The following YTHDC2 variants were observed in gnomAD, a reference collection of about 807,000 sequenced individuals.
YTHDC2 encodes the protein 3'-5' RNA helicase YTHDC2.
Under a neutral mutation model 174.9 loss-of-function variants are expected in YTHDC2, and 45 were observed. The observed-to-expected ratio is 0.26, with a 90% confidence interval of 0.20 to 0.33. YTHDC2 has a LOEUF of 0.33. Ranked by LOEUF, YTHDC2 falls within the 10% of genes least tolerant of loss-of-function variation. YTHDC2 has a pLI of 1.00. For missense variants in YTHDC2, 1,650 were observed against 1,723.7 expected, an observed-to-expected ratio of 0.96 and a Z score of 0.76; for synonymous variants, 657 against 574.5, an observed-to-expected ratio of 1.14 and a Z score of -2.05.
At chr5:113,535,497 G>A (rs1774992640) in intron 6 of YTHDC2, 145 bp from the exon 7 acceptor site, 2 of 702,936 alleles carry the variant, frequency 2.8e-6, no homozygotes, top group South Asian at 6.8e-5. Context: ...TGAAATTCCT[G>A]TAATACAAAA....
At chr5:113,561,633 T>C (rs183664208) in intron 18 of YTHDC2, among the ~76,000 whole-genome samples, 5 of 151,876 alleles carry the variant, frequency 3.3e-5, no homozygotes, top group Non-Finnish European at 7.4e-5. Context: ...CGTGCCCAGC[T>C]AATTTTTATA....
At chr5:113,565,735 A>G in intron 20 of YTHDC2, 158 bp from the exon 21 acceptor site, 1 of 681,562 alleles carries the variant, frequency 1.5e-6, no homozygotes, top group South Asian at 4.6e-5. Context: ...TAAATTAATG[A>G]TAAATATTAT....
intron 2 of YTHDC2, among the ~76,000 whole-genome samples, chr5:113,518,983 G>T (rs1773675519): frequency 1.3e-5 from 2 of 151,918 alleles, no homozygotes; most frequent in Non-Finnish European, 2.9e-5. Flanking sequence ...CTAGGCTCAG[G>T]CTTTCCTCGC....
chr5:113,565,823 A>G (rs1777295180), intron 20 of YTHDC2, 70 bp from the exon 21 acceptor site: 1 of 1,498,556 alleles, frequency 6.7e-7, no homozygotes, highest in African/African-American at 1.4e-5. Flanking sequence ...AGTGATTTGT[A>G]GTTACTTGTT....
At chr5:113,576,215 A>G (rs957716607) in intron 23 of YTHDC2, among the ~76,000 whole-genome samples, 1 of 152,162 alleles carries the variant, frequency 6.6e-6, no homozygotes, top group Non-Finnish European at 1.5e-5. Context: ...TATAGACATG[A>G]GAATGGATTT....
intron 9 of YTHDC2, among the ~76,000 whole-genome samples, chr5:113,541,621 G>C (rs576306917): frequency 1.3e-5 from 2 of 152,154 alleles, no homozygotes; most frequent in South Asian, 4.1e-4. Flanking sequence ...GCATGTGATA[G>C]TATGTAATGC....
chr5:113,532,221 T>G (rs1774722158), intron 4 of YTHDC2, among the ~76,000 whole-genome samples: 1 of 152,224 alleles, frequency 6.6e-6, no homozygotes, highest in Non-Finnish European at 1.5e-5. Flanking sequence ...GTCATCACTT[T>G]GCATGGATAA....
rs749983014 is a variant in YTHDC2 at position 113,514,076 on chromosome 5, C to G, written c.181C>G (p.Gln61Glu). ...IALERFRYGD[Q>E]REMEFPSSLT... ...GCTGGAGCGCTTCCGATACGGGGACCAGAGAGGTGAGGTTCCGGACAGGGA... is the reference window on the plus strand; with the variant it reads ...GCTGGAGCGCTTCCGATACGGGGACGAGAGAGGTGAGGTTCCGGACAGGGA... The change falls in exon 1 of 30, where the codon CAG becomes GAG. Residue 61 changes from glutamine to glutamate, a missense_variant. Gln to Glu is a conservative substitution (Grantham distance 29). Around this residue, in one of 5 missense-constraint regions of YTHDC2, gnomAD observed 304 missense variants for 341.4 expected, o/e 0.89. Coordinates refer to ENST00000161863, the MANE Select transcript of YTHDC2 (RefSeq NM_022828.5). The G allele has an allele frequency of 6.2e-6, 10 of 1,611,400 alleles. No individual in the cohort carries two copies. The East Asian group carries it at 2.0e-4, about 32-fold the overall frequency.
intron 2 of YTHDC2, among the ~76,000 whole-genome samples, chr5:113,524,183 C>A (rs1201583287): frequency 6.6e-6 from 1 of 152,050 alleles, no homozygotes; most frequent in Non-Finnish European, 1.5e-5. Context: ...GCCTTTGGAG[C>A]CTGAGCTCTT....
In YTHDC2 at chr5:113,594,041, A is replaced by G. The variant is rs983481078; in HGVS notation, c.*567A>G. 1.3e-5 allele frequency: 2 copies of G among 152,192 alleles called. No homozygotes were observed. Among genetic ancestry groups the G allele is most frequent in the African/African-American group, 4.8e-5 (2 of 41,448 alleles). 9.4% of individuals were successfully genotyped at this position (152,192 alleles called of 1,614,324 possible). ...TTCATTCTGCCATTTTTAACTTGAG[A>G]CACATTTAAGAATAAAGTTGGATGT... On this transcript the variant is annotated 3_prime_UTR_variant, in exon 30 of 30. Transcript: ENST00000161863.
intron 23 of YTHDC2, among the ~76,000 whole-genome samples, chr5:113,574,438 T>A (rs1013318639): frequency 1.3e-5 from 2 of 152,198 alleles, no homozygotes; most frequent in Non-Finnish European, 2.9e-5. Flanking sequence ...TCAGGAGGAA[T>A]GAGATCAGGG....
At chr5:113,524,947 A>G in intron 2 of YTHDC2, 34 bp from the exon 3 acceptor site, 1 of 1,472,956 alleles carries the variant, frequency 6.8e-7, no homozygotes, top group East Asian at 2.6e-5. Context: ...AGTTGACTTT[A>G]TATAGTAAAT....
chr5:113,533,061 A>G lies in YTHDC2; in HGVS notation c.842+16A>G, dbSNP rs894460741. 5.6e-6 allele frequency: 9 copies of G among 1,611,582 alleles called. No homozygotes were observed. Among genetic ancestry groups the G allele is most frequent in the East Asian group, 2.2e-5 (1 of 44,866 alleles). On this transcript the variant is annotated intron_variant, in intron 5 of 29. Transcript: ENST00000161863. ...TAGAAAGCAGGTAAAAACAGTTCTC[A>G]TGTATCTTCTCTTTTATCATGCTTA...
intron 6 of YTHDC2, 23 bp downstream of exon 6, chr5:113,534,430 C>A (rs1454901881): frequency 1.3e-6 from 2 of 1,590,966 alleles, no homozygotes; most frequent in South Asian, 2.2e-5. Flanking sequence ...CTGAATTTGT[C>A]ATATGTAACT....
At chr5:113,572,564 G>T (rs1251383056) in intron 23 of YTHDC2, among the ~76,000 whole-genome samples, 1 of 152,202 alleles carries the variant, frequency 6.6e-6, no homozygotes, top group Non-Finnish European at 1.5e-5. Flanking sequence ...TGTCTGTGGG[G>T]TGTTAAAGTC....
At chr5:113,575,829 C>T (rs1437035807) in intron 23 of YTHDC2, among the ~76,000 whole-genome samples, 2 of 152,092 alleles carry the variant, frequency 1.3e-5, no homozygotes, top group Non-Finnish European at 2.9e-5. Context: ...AGGTAGGAGG[C>T]TTTTGCAGTG....
chr5:113,561,425 G>T (rs1561674743), intron 18 of YTHDC2, among the ~76,000 whole-genome samples: 1 of 150,330 alleles, frequency 6.7e-6, no homozygotes, highest in Non-Finnish European at 1.5e-5. Context: ...AGTTTTAAAG[G>T]ATATATATAT....
chr5:113,536,616 A>T (rs978182693), intron 7 of YTHDC2, among the ~76,000 whole-genome samples: 4 of 152,178 alleles, frequency 2.6e-5, no homozygotes, highest in Non-Finnish European at 5.9e-5. Context: ...AATTGCCCCT[A>T]TCCTTGTTCC....
intron 2 of YTHDC2, 135 bp downstream of exon 2, chr5:113,515,497 G>A: frequency 1.4e-6 from 1 of 728,860 alleles, no homozygotes; most frequent in Non-Finnish European, 2.2e-6. Flanking sequence ...GTAGATAAAA[G>A]ATTCAGGTCT....
Sources: gnomAD v4.1 joint callset for allele counts (sites outside exome capture counted in the v4.1 genomes callset) on GRCh38, gnomAD v4.1.1 for gene constraint, gnomAD v4.1.1 regional missense constraint, MANE v1.5 for transcripts, NCBI Gene and HGNC (gene_info 2026-07-23, HGNC 2026-07-21) for gene names.